TANC2: variants seen among roughly 807,000 people sequenced by gnomAD.
TANC2 encodes the protein tetratricopeptide repeat, ankyrin repeat and coiled-coil containing 2, also known as protein TANC2.
In TANC2, 26 loss-of-function variants were observed where a neutral mutation model predicts 210.5. That is an observed-to-expected ratio of 0.12 (90% confidence interval 0.09 to 0.17). The LOEUF is 0.17. Ranked by LOEUF, TANC2 falls within the 10% of genes least tolerant of loss-of-function variation. The pLI is 1.00. For synonymous variants in TANC2, 931 were observed against 967.1 expected (o/e 0.96, Z 0.69); for missense variants, 2,129 against 2,608.9 (o/e 0.82, Z 4.01).
intron 1 of TANC2, among the ~76,000 whole-genome samples, chr17:63,000,878 A>G (rs1341692744): frequency 1.3e-5 from 2 of 151,958 alleles, no homozygotes; most frequent in Non-Finnish European, 2.9e-5. Context: ...ACTTGAGGAA[A>G]ATCATTTAAT....
intron 9 of TANC2, among the ~76,000 whole-genome samples, chr17:63,313,000 T>A (rs2045181377): frequency 6.6e-6 from 1 of 152,214 alleles, no homozygotes; most frequent in Non-Finnish European, 1.5e-5. Flanking sequence ...CACACATGTA[T>A]GTGTGCGTGT....
Position 63,418,401 on chromosome 17 carries a change from G to A in TANC2, c.4262G>A (p.Ser1421Asn), listed in dbSNP as rs1172936886. The change falls in exon 27 of 28, where the codon AGC (serine) becomes AAC (asparagine). Residue 1421 changes from serine to asparagine, a missense_variant. Coordinates refer to ENST00000689528, the Ensembl canonical transcript of TANC2. The surrounding 1 kb of genome is among the most constrained non-coding windows in gnomAD (Gnocchi z 4.6). ...TATGCGAGAGCAAGGGCAAAACGCA[G>A]CAGCAGGTGAGGAGAGAGAGAGAGG... 6.2e-7 allele frequency: 1 copy of A among 1,611,438 alleles called. No homozygotes were observed. Among genetic ancestry groups the A allele is most frequent in the Admixed American group, 1.7e-5 (1 of 59,684 alleles).
chr17:63,118,696 A>G (rs1452831618), intron 4 of TANC2, among the ~76,000 whole-genome samples: 1 of 150,670 alleles, frequency 6.6e-6, no homozygotes, highest in Non-Finnish European at 1.5e-5. Context: ...TGCAGCCTCG[A>G]CCTCCCAGGC....
At chr17:63,406,207 G>A (rs779128919) in exon 21 of TANC2, 2 of 1,613,970 alleles carry the variant, frequency 1.2e-6, no homozygotes, top group South Asian at 1.1e-5. Flanking sequence ...CAGACAAGCA[G>A]GGCCGCACTC....
At chr17:63,312,257 T>G (rs1036771839) in intron 9 of TANC2, among the ~76,000 whole-genome samples, 1 of 152,178 alleles carries the variant, frequency 6.6e-6, no homozygotes, top group African/African-American at 2.4e-5. Context: ...AAAAGACATA[T>G]GCATGCGTAT....
At chr17:62,982,073 T>A (rs2032332427) in intron 1 of TANC2, among the ~76,000 whole-genome samples, 1 of 152,134 alleles carries the variant, frequency 6.6e-6, no homozygotes, top group South Asian at 2.1e-4. Flanking sequence ...AAGTAAGTCT[T>A]CATCTCCCTG....
At chr17:63,289,476 A>C (rs887965375) in intron 9 of TANC2, among the ~76,000 whole-genome samples, 2 of 152,166 alleles carry the variant, frequency 1.3e-5, no homozygotes, top group South Asian at 2.1e-4. Context: ...CATACAGTCC[A>C]TTAATAGTCC....
chr17:63,237,911 G>A lies in TANC2; in HGVS notation c.867G>A (p.Gln289=), dbSNP rs2460111. ...CTGGAGGAAACATAAAACCTTGGCA[G>A]TCTCAAAAATCCAGCATGGACTCCT... is the stretch of plus-strand genomic sequence containing the variant. The change falls in exon 8 of 28, where the codon CAG becomes CAA. Residue 289 remains glutamine, a synonymous_variant. Coordinates refer to ENST00000689528, the Ensembl canonical transcript of TANC2. The A allele has an allele frequency of 0.51, 811,381 of 1,577,594 alleles. 216,744 individuals carry two copies. The highest frequency in any genetic ancestry group is 0.87 in the African/African-American group (64,727 of 74,306).
intron 7 of TANC2, among the ~76,000 whole-genome samples, chr17:63,218,232 C>T (rs2042075088): frequency 6.6e-6 from 1 of 151,760 alleles, no homozygotes; most frequent in Non-Finnish European, 1.5e-5. Flanking sequence ...CATGCCACTG[C>T]ACTCCAGCCT....
intron 2 of TANC2, among the ~76,000 whole-genome samples, chr17:63,010,192 A>G (rs1322253971): frequency 2.0e-5 from 3 of 152,096 alleles, no homozygotes; most frequent in Admixed American, 6.6e-5. Context: ...AGACTTTTGT[A>G]TTCTTCGTAA....
At chr17:63,163,077 A>T (rs1567776240) in intron 5 of TANC2, among the ~76,000 whole-genome samples, 1 of 151,772 alleles carries the variant, frequency 6.6e-6, no homozygotes, top group Non-Finnish European at 1.5e-5. Flanking sequence ...AGGAGTGATT[A>T]TGGTGATGAC....
chr17:63,184,559 C>T (rs2040907308), intron 5 of TANC2, among the ~76,000 whole-genome samples: 1 of 151,928 alleles, frequency 6.6e-6, no homozygotes, highest in Non-Finnish European at 1.5e-5. Flanking sequence ...CATTATCCTC[C>T]CCTTACAAAC....
chr17:63,254,640 G>C (rs540797187), intron 8 of TANC2, among the ~76,000 whole-genome samples: 1 of 152,180 alleles, frequency 6.6e-6, no homozygotes, highest in Non-Finnish European at 1.5e-5. Flanking sequence ...TTGTGTTTAG[G>C]TATGTTCCTT....
At chr17:63,012,553 A>G (rs962078225) in intron 2 of TANC2, among the ~76,000 whole-genome samples, 2 of 107,952 alleles carry the variant, frequency 1.9e-5, no homozygotes, top group South Asian at 2.7e-4. Flanking sequence ...TGTTACTTAG[A>G]TATGCCCATA....
chr17:62,993,186 A>C (rs2032951121), intron 1 of TANC2, among the ~76,000 whole-genome samples: 1 of 152,216 alleles, frequency 6.6e-6, no homozygotes, highest in African/African-American at 2.4e-5. Flanking sequence ...ACATCTTCAG[A>C]GTCCCTTTGC....
At chr17:63,250,572 T>C (rs1484613003) in intron 8 of TANC2, among the ~76,000 whole-genome samples, 1 of 152,132 alleles carries the variant, frequency 6.6e-6, no homozygotes, top group Non-Finnish European at 1.5e-5. Context: ...TCCTTCAAAA[T>C]AACCCAGTAA....
At chr17:62,977,147 A>G (rs1382496597) in intron 1 of TANC2, among the ~76,000 whole-genome samples, 1 of 152,236 alleles carries the variant, frequency 6.6e-6, no homozygotes, top group Non-Finnish European at 1.5e-5. Flanking sequence ...TTGCAGCCCC[A>G]GGGAACAAGC....
chr17:63,339,342 C>T (rs2046149370), intron 11 of TANC2, among the ~76,000 whole-genome samples: 1 of 152,156 alleles, frequency 6.6e-6, no homozygotes, highest in African/African-American at 2.4e-5. Flanking sequence ...GCAAAGAGAA[C>T]AGCCAGAAGA....
At chr17:63,368,737 GT>G (rs2047180067) in intron 14 of TANC2, among the ~76,000 whole-genome samples, 1 of 152,146 alleles carries the variant, frequency 6.6e-6, no homozygotes, top group Non-Finnish European at 1.5e-5. Context: ...ATTCCCATAA[GT>G]TAAAAACTAC....
Sources: allele counts gnomAD v4.1 joint callset (sites outside exome capture counted in the v4.1 genomes callset), GRCh38; gene constraint gnomAD v4.1.1; non-coding constraint Gnocchi (gnomAD v3.1); transcripts MANE v1.5; gene names NCBI Gene and HGNC (gene_info 2026-07-23, HGNC 2026-07-21).